The following ARHGAP15 variants were observed in gnomAD, a reference collection of about 807,000 sequenced individuals.
The protein encoded by ARHGAP15 is rho GTPase-activating protein 15.
Under a neutral mutation model 63.7 loss-of-function variants are expected in ARHGAP15, and 51 were observed. That is an observed-to-expected ratio of 0.80 (90% CI 0.64 to 1.01). The LOEUF is 1.01. ARHGAP15 is among the 50% of genes least tolerant of loss of function. The pLI, the probability that ARHGAP15 is intolerant of heterozygous loss-of-function variation, is 0.00. For missense variants in ARHGAP15, 560 were observed against 564.6 expected (o/e 0.99, Z 0.08); for synonymous variants, 191 against 193.8 (o/e 0.99, Z 0.12).
At chr2:143,157,733 A>C (rs1690137941) in intron 2 of ARHGAP15, among the ~76,000 whole-genome samples, 1 of 151,422 alleles carries the variant, frequency 6.6e-6, no homozygotes, top group Non-Finnish European at 1.5e-5. Flanking sequence ...TTTTCCATGC[A>C]CAATTTTCTG....
chr2:143,411,267 A>G (rs894337703), intron 6 of ARHGAP15, among the ~76,000 whole-genome samples: 13 of 152,096 alleles, frequency 8.5e-5, no homozygotes, highest in Non-Finnish European at 1.3e-4. Flanking sequence ...ATAAAACTAT[A>G]TATTTTAAAG....
chr2:143,395,960 G>A (rs563878090), intron 6 of ARHGAP15, among the ~76,000 whole-genome samples: 1 of 152,064 alleles, frequency 6.6e-6, no homozygotes, highest in East Asian at 1.9e-4. Context: ...CAGGTGTACT[G>A]GCAGATGAAG....
At chr2:143,230,541 A>G in intron 5 of ARHGAP15, among the ~76,000 whole-genome samples, 1 of 152,138 alleles carries the variant, frequency 6.6e-6, no homozygotes, top group East Asian at 1.9e-4. Context: ...CCCATTTTTA[A>G]TGCTCTTATG....
intron 1 of ARHGAP15, among the ~76,000 whole-genome samples, chr2:143,151,234 CA>C (rs1481873017): frequency 6.6e-6 from 1 of 151,918 alleles, no homozygotes; most frequent in East Asian, 1.9e-4. Context: ...GCAGGCTTTG[CA>C]ATGGAGTTTC....
intron 9 of ARHGAP15, 132 bp downstream of exon 9, chr2:143,487,627 T>C: frequency 9.4e-7 from 1 of 1,066,272 alleles, no homozygotes; most frequent in Non-Finnish European, 1.3e-6. Context: ...TTCTACTCTG[T>C]AACAGAGAAA....
At chr2:143,454,927 T>G (rs1053425667) in intron 8 of ARHGAP15, among the ~76,000 whole-genome samples, 2 of 152,004 alleles carry the variant, frequency 1.3e-5, no homozygotes, top group East Asian at 1.9e-4. Context: ...ATGCACTGTT[T>G]TAAGCACTGG....
chr2:143,672,898 T>TA (rs1489588056), intron 12 of ARHGAP15, among the ~76,000 whole-genome samples: 3 of 152,238 alleles, frequency 2.0e-5, no homozygotes, highest in African/African-American at 2.4e-5. Context: ...AAAGTTGAGT[T>TA]AAAAAAATAT....
At chr2:143,433,604 T>C (rs141264807) in intron 6 of ARHGAP15, among the ~76,000 whole-genome samples, 471 of 152,220 alleles carry the variant, frequency 3.1e-3, no homozygotes, top group African/African-American at 0.011. Flanking sequence ...GCACCAAAAA[T>C]GCAAACGCAC....
chr2:143,519,047 C>T (rs906591136), intron 9 of ARHGAP15: 14 of 392,072 alleles, frequency 3.6e-5, no homozygotes, highest in Non-Finnish European at 6.7e-5. Flanking sequence ...CTAATCGATG[C>T]CTGAGCGTCA....
At chr2:143,316,183 A>G (rs1034650875) in intron 6 of ARHGAP15, among the ~76,000 whole-genome samples, 1 of 152,150 alleles carries the variant, frequency 6.6e-6, no homozygotes, top group Non-Finnish European at 1.5e-5. Context: ...AGAAAATCAG[A>G]CTTTCCTCCT....
intron 6 of ARHGAP15, among the ~76,000 whole-genome samples, chr2:143,337,052 A>C (rs1684804666): frequency 6.6e-6 from 1 of 151,992 alleles, no homozygotes; most frequent in South Asian, 2.1e-4. Context: ...CAAGACATGC[A>C]GGTAATCTGG....
At chr2:143,490,619 A>G (rs184714552) in intron 9 of ARHGAP15, among the ~76,000 whole-genome samples, 127 of 151,346 alleles carry the variant, frequency 8.4e-4, no homozygotes, top group Non-Finnish European at 4.6e-4. Flanking sequence ...TTATTTATTT[A>G]TTTGTTTGTT....
chr2:143,479,772 T>A (rs914249468), intron 8 of ARHGAP15, among the ~76,000 whole-genome samples: 1 of 152,024 alleles, frequency 6.6e-6, no homozygotes, highest in Non-Finnish European at 1.5e-5. Flanking sequence ...AAAAAAAATG[T>A]CATTGTGTTT....
chr2:143,623,767 C>T (rs575043911), intron 11 of ARHGAP15, among the ~76,000 whole-genome samples: 13 of 152,356 alleles, frequency 8.5e-5, no homozygotes, highest in African/African-American at 3.1e-4. Flanking sequence ...CTTGAGCCGG[C>T]CATCATTGGC....
At chr2:143,512,801 T>G (rs1693647220) in intron 9 of ARHGAP15, among the ~76,000 whole-genome samples, 1 of 152,208 alleles carries the variant, frequency 6.6e-6, no homozygotes, top group African/African-American at 2.4e-5. Context: ...GGAGCTGAGT[T>G]GGATCTGTTC....
intron 10 of ARHGAP15, among the ~76,000 whole-genome samples, chr2:143,537,181 G>C (rs544363833): frequency 2.0e-5 from 3 of 152,250 alleles, no homozygotes; most frequent in African/African-American, 7.2e-5. Context: ...GTCTTCTTTT[G>C]AGAAGTGTCT....
intron 6 of ARHGAP15, among the ~76,000 whole-genome samples, chr2:143,413,966 T>TGTGTGCGTGCGCGC: frequency 2.7e-4 from 32 of 117,924 alleles, no homozygotes; most frequent in African/African-American, 1.1e-3. Context: ...TGTGTGTGTG[T>TGTGTGCGTGCGCGC]GCGCGCTCTC....
At chr2:143,317,048 C>T (rs1227627412) in intron 6 of ARHGAP15, among the ~76,000 whole-genome samples, 2 of 152,170 alleles carry the variant, frequency 1.3e-5, no homozygotes, top group Non-Finnish European at 2.9e-5. Context: ...ATCCCTCTCT[C>T]TCTCTCTCCA....
chr2:143,385,780 GTATT>G (rs1316187134), intron 6 of ARHGAP15, among the ~76,000 whole-genome samples: 4 of 151,996 alleles, frequency 2.6e-5, no homozygotes, highest in Admixed American at 6.6e-5. Flanking sequence ...TCAAGCAAAA[GTATT>G]TTTTCTTTAG....
Sources: allele counts gnomAD v4.1 joint callset (sites outside exome capture counted in the v4.1 genomes callset), GRCh38; gene constraint gnomAD v4.1.1; transcripts MANE v1.5; gene names NCBI Gene and HGNC (gene_info 2026-07-23, HGNC 2026-07-21).